The following ACACA variants were observed in gnomAD, a reference collection of about 807,000 sequenced individuals.
ACACA encodes acetyl-CoA carboxylase alpha, also known as acetyl-CoA carboxylase 1.
In ACACA, 103 loss-of-function variants were observed where a neutral mutation model predicts 296.1. That is an observed-to-expected ratio of 0.35 (90% CI 0.30 to 0.41). The LOEUF is 0.41. ACACA is among the 10% of genes least tolerant of loss of function. The probability of loss-of-function intolerance (pLI) is 1.00; values close to 1 mark genes in which losing one functional copy is unlikely to be tolerated. For synonymous variants in ACACA, 953 were observed against 1,038.6 expected (o/e 0.92, Z 1.58); for missense variants, 1,554 against 2,989.7 (o/e 0.52, Z 11.20).
At chr17:37,378,327 T>C (rs1210950351) in intron 1 of ACACA, among the ~76,000 whole-genome samples, 3 of 152,128 alleles carry the variant, frequency 2.0e-5, no homozygotes, top group Non-Finnish European at 4.4e-5. Flanking sequence ...GAACACAAAC[T>C]GAAGAAGTTA....
At chr17:37,224,130 A>G (rs1010281032) in intron 27 of ACACA, among the ~76,000 whole-genome samples, 16 of 152,204 alleles carry the variant, frequency 1.1e-4, no homozygotes. Flanking sequence ...TGAACTCAGG[A>G]GGTGGAGGTT....
intron 3 of ACACA, among the ~76,000 whole-genome samples, chr17:37,319,982 C>CT (rs2047272571): frequency 6.6e-6 from 1 of 151,358 alleles, no homozygotes; most frequent in South Asian, 2.1e-4. Context: ...ATAAACTTAG[C>CT]TGGGAATGGT....
At chr17:37,104,928 G>C (rs1247834876) in intron 52 of ACACA, among the ~76,000 whole-genome samples, 1 of 113,544 alleles carries the variant, frequency 8.8e-6, no homozygotes, top group African/African-American at 3.6e-5. Flanking sequence ...GACAGAGTGA[G>C]AATCTGTCTC....
intron 52 of ACACA, among the ~76,000 whole-genome samples, chr17:37,108,793 A>G (rs1181959135): frequency 2.0e-5 from 3 of 152,202 alleles, no homozygotes; most frequent in Non-Finnish European, 4.4e-5. Flanking sequence ...GAACGGCAAC[A>G]CAAGATAACA....
chr17:37,299,178 T>C, intron 3 of ACACA: 1 of 1,258,578 alleles, frequency 7.9e-7, no homozygotes, highest in South Asian at 1.4e-5. Flanking sequence ...TTTTTAAAGA[T>C]AGAAAAAAAA....
At position 37,089,132 on chromosome 17, in the gene ACACA, G is replaced by GA; in HGVS notation, c.6892-59dup. The GA allele has an allele frequency of 1.9e-6, 3 of 1,612,176 alleles. No individual in the cohort carries two copies. The East Asian group carries it at 6.7e-5, about 36-fold the overall frequency. ...GGGTCAGGCCAGGCCGGGACACCCT[G>GA]ACTATTCAGGATCTGGAGTGCTTGC... On this transcript the variant is annotated intron_variant, in intron 54 of 55. Transcript: ENST00000616317.
At chr17:37,127,027 T>C (rs1165933427) in intron 47 of ACACA, among the ~76,000 whole-genome samples, 1 of 152,214 alleles carries the variant, frequency 6.6e-6, no homozygotes, top group Non-Finnish European at 1.5e-5. Flanking sequence ...GAGCGAGTGT[T>C]AGCTGCACAT....
At chr17:37,329,044 C>T (rs1255612661) in intron 3 of ACACA, 2 of 397,948 alleles carry the variant, frequency 5.0e-6, no homozygotes, top group Non-Finnish European at 4.4e-6. Context: ...AATCAAACAT[C>T]GATAAATAAA....
At chr17:37,104,132 TA>T (rs1256181096) in intron 52 of ACACA, among the ~76,000 whole-genome samples, 2 of 152,020 alleles carry the variant, frequency 1.3e-5, no homozygotes, top group South Asian at 2.1e-4. Flanking sequence ...AAAGAAATTG[TA>T]AAAAAAATCT....
intron 3 of ACACA, among the ~76,000 whole-genome samples, chr17:37,327,335 C>A (rs1477607456): frequency 1.3e-5 from 2 of 152,162 alleles, no homozygotes; most frequent in African/African-American, 4.8e-5. Context: ...CCAAAGGTCA[C>A]CATATCCAGA....
At chr17:37,388,245 A>G (rs927653379) in intron 1 of ACACA, among the ~76,000 whole-genome samples, 4 of 152,154 alleles carry the variant, frequency 2.6e-5, no homozygotes, top group Non-Finnish European at 5.9e-5. Context: ...CTTATATTCT[A>G]TGAAAGCCAG....
chr17:37,131,216 C>T (rs953986217), intron 45 of ACACA, among the ~76,000 whole-genome samples: 3 of 151,926 alleles, frequency 2.0e-5, no homozygotes, highest in African/African-American at 7.3e-5. Context: ...AGGGCACCTG[C>T]AATTGGAAAC....
At position 37,355,429 on chromosome 17, in the gene ACACA, G is replaced by A. The variant is rs2049091494; in HGVS notation, c.39-15579C>T. Among the ~76,000 whole-genome samples the A allele has an allele frequency of 2.0e-5, 3 of 151,682 alleles. No homozygotes were observed. In the South Asian group the frequency reaches 6.3e-4, roughly 32 times the overall value. On this transcript the variant is annotated intron_variant, in intron 1 of 55. Coordinates refer to ENST00000616317, the MANE Select transcript of ACACA (RefSeq NM_198834.3). ...AAATCAGCCAGGTGTGGTGGCAGGC[G>A]CCTGTAATCCGAGCTACACGGGAGG...
intron 33 of ACACA, 103 bp downstream of exon 33, chr17:37,205,662 G>T: frequency 1.1e-6 from 1 of 923,032 alleles, no homozygotes; most frequent in Non-Finnish European, 1.8e-6. Flanking sequence ...TGAGAGTTAT[G>T]ATAAAAGACA....
At chr17:37,223,668 G>A in intron 27 of ACACA, 67 bp from the exon 28 acceptor site, 2 of 1,191,016 alleles carry the variant, frequency 1.7e-6, no homozygotes, top group Non-Finnish European at 2.5e-6. Flanking sequence ...GACACTATTT[G>A]GCATTTGAAG....
rs1189910147 is a variant in ACACA, at chr17:37,181,312, T to G, written c.4821A>C (p.Gly1607=). 6.2e-7 allele frequency: 1 copy of G among 1,614,036 alleles called. No homozygotes were observed. The highest frequency in any genetic ancestry group is 8.5e-7 in the Non-Finnish European group (1 of 1,179,996). Residue 1607 remains glycine (G), a synonymous_variant, in exon 40 of 56, where the codon GGA becomes GGC. Coordinates refer to ENST00000616317, the MANE Select transcript of ACACA (RefSeq NM_198834.3). The part of the protein sequence containing the change: ...AYGDKQGPLH[G]MLINTPYVTK... The stretch of plus-strand genomic sequence containing the variant: ...TCACATATGGAGTATTGATTAACAT[T>G]CCATGCAGTGGTCCCTGTTTGTCTC...
At position 37,226,435 on chromosome 17, in the gene ACACA, C is replaced by T; in HGVS notation, c.3264G>A (p.Arg1088=). 1 of 1,613,878 alleles carries T rather than the reference C, an allele frequency of 6.2e-7. No homozygotes were observed. The highest frequency in any genetic ancestry group is 1.1e-5 in the South Asian group (1 of 91,066). The change falls in exon 26 of 56, where the codon CGG becomes CGA. Residue 1088 remains arginine, a synonymous_variant. Transcript: ENST00000616317. ...VTMLIDQLCG[R]DPTLTDELLN... ...GCAGCTCATCAGTGAGAGTAGGGTC[C>T]CGGCCACACAACTGATCCTAATTGT...
intron 1 of ACACA, chr17:37,377,816 A>C (rs1050872322): frequency 7.6e-7 from 1 of 1,308,500 alleles, no homozygotes; most frequent in Admixed American, 1.8e-5. Context: ...AGTAAGTACC[A>C]GTAAATTCTG....
rs1041510286 is a variant in ACACA, at chr17:37,105,369, T to C, written c.6565+6162A>G. Among the ~76,000 whole-genome samples the C allele has an allele frequency of 2.0e-5, 3 of 152,140 alleles. No homozygotes were observed. In the East Asian group the frequency reaches 5.8e-4, roughly 29 times the overall value. ...GCAGGCACCTGTAATCTCAGCTACTTGGGAGGCTGAGGCAGGAGAATCGCT... is the reference window on the plus strand; with the variant it reads ...GCAGGCACCTGTAATCTCAGCTACTCGGGAGGCTGAGGCAGGAGAATCGCT... On this transcript the variant is annotated intron_variant, in intron 52 of 55. Transcript: ENST00000616317.
Sources: allele counts gnomAD v4.1 joint callset (sites outside exome capture counted in the v4.1 genomes callset), GRCh38; gene constraint gnomAD v4.1.1; transcripts MANE v1.5; gene names NCBI Gene and HGNC (gene_info 2026-07-23, HGNC 2026-07-21).